The following RBPMS variants were observed in gnomAD, a reference collection of about 807,000 sequenced individuals.
The protein encoded by RBPMS is RNA binding protein, mRNA processing factor.
In RBPMS, 7 loss-of-function variants were observed where a neutral mutation model predicts 26.8. The ratio of observed to expected loss-of-function variants is 0.26; its 90% confidence interval spans 0.15 to 0.49. The LOEUF is 0.49. Ranked by LOEUF, RBPMS falls within the 20% of genes least tolerant of loss-of-function variation. The probability of loss-of-function intolerance (pLI) is 0.98; values close to 1 mark genes in which losing one functional copy is unlikely to be tolerated. For synonymous variants in RBPMS, 96 were observed against 93.3 expected (o/e 1.03, Z -0.17); for missense variants, 186 against 250.0 (o/e 0.74, Z 1.73).
intron 1 of RBPMS, among the ~76,000 whole-genome samples, chr8:30,413,463 A>G (rs1809687304): frequency 6.6e-6 from 1 of 152,074 alleles, no homozygotes; most frequent in Non-Finnish European, 1.5e-5. Flanking sequence ...TAACCCCTAT[A>G]CTTTTCAAAT....
At chr8:30,542,123 T>G (rs192606216) in intron 5 of RBPMS, among the ~76,000 whole-genome samples, 157 of 152,352 alleles carry the variant, frequency 1.0e-3, no homozygotes, top group African/African-American at 3.7e-3. Context: ...CCTTTATCTC[T>G]TTTAGGCTTC....
intron 5 of RBPMS, among the ~76,000 whole-genome samples, chr8:30,511,486 A>AAAT (rs1821657057): frequency 1.3e-4 from 3 of 23,574 alleles, no homozygotes; most frequent in African/African-American, 4.9e-4. Flanking sequence ...AAAAAAAAAA[A>AAAT]ATATATATAT....
intron 4 of RBPMS, among the ~76,000 whole-genome samples, chr8:30,484,716 T>G (rs936450853): frequency 1.3e-5 from 2 of 152,192 alleles, no homozygotes; most frequent in Non-Finnish European, 1.5e-5. Flanking sequence ...TAAGAAAATA[T>G]GCTGAGAAAA....
At chr8:30,424,981 T>C (rs1327117513) in intron 1 of RBPMS, among the ~76,000 whole-genome samples, 1 of 152,170 alleles carries the variant, frequency 6.6e-6, no homozygotes, top group African/African-American at 2.4e-5. Flanking sequence ...AGACAGGGTT[T>C]CACTCTGTCA....
At chr8:30,560,250 G>T (rs1167692752) in intron 7 of RBPMS, among the ~76,000 whole-genome samples, 2 of 152,340 alleles carry the variant, frequency 1.3e-5, no homozygotes, top group South Asian at 4.1e-4. Flanking sequence ...GCTGAGTGTG[G>T]ACTTCATGTT....
Position 30,541,714 on chromosome 8 carries a change from C to T in RBPMS, c.398-2780C>T, listed in dbSNP as rs535471821. Among the ~76,000 whole-genome samples, 11 of 152,284 alleles carry T rather than the reference C, an allele frequency of 7.2e-5. No homozygotes were observed. The South Asian group carries it at 2.3e-3, about 32-fold the overall frequency. Reference sequence around the variant, plus strand: ...TGTCTTCTTTTTTCAGCCTTCCATCCTGTAAAGTTTGAGCAGGATGGGCAG... The same window carrying T: ...TGTCTTCTTTTTTCAGCCTTCCATCTTGTAAAGTTTGAGCAGGATGGGCAG... On this transcript the variant is annotated intron_variant, in intron 5 of 8. Coordinates refer to ENST00000397323, the MANE Select transcript of RBPMS (RefSeq NM_001008710.3).
At chr8:30,385,268 T>A in intron 1 of RBPMS, 110 bp downstream of exon 1, 1 of 690,300 alleles carries the variant, frequency 1.4e-6, no homozygotes, top group Non-Finnish European at 2.1e-6. Context: ...GCATGGCCCG[T>A]GCCCCGGACG....
rs1491402867 is a variant in RBPMS, at chr8:30,395,461, C to CCAA, written c.66+10303_66+10304insCAA. On this transcript the variant is annotated intron_variant, in intron 1 of 8. Transcript: ENST00000397323. ...GCCTGGACAGAGTGAGACTCTGTCT[C>CCAA]AAAAAAAAAAAAAAAAAAAAAAAAA... Among the ~76,000 whole-genome samples the CCAA allele has an allele frequency of 5.7e-4, 25 of 43,800 alleles. 1 individual carries two copies. Among genetic ancestry groups the CCAA allele is most frequent in the African/African-American group, 4.3e-3 (24 of 5,644 alleles). 28.7% of individuals were successfully genotyped at this position (43,800 alleles called of 152,430 possible).
At chr8:30,446,780 GCCA>G (rs1813827173) in intron 1 of RBPMS, among the ~76,000 whole-genome samples, 1 of 148,862 alleles carries the variant, frequency 6.7e-6, no homozygotes, top group South Asian at 2.2e-4. Flanking sequence ...ACAGGCACAT[GCCA>G]CCACACATGG....
chr8:30,471,578 T>A (rs1817113367), intron 1 of RBPMS, among the ~76,000 whole-genome samples: 1 of 152,182 alleles, frequency 6.6e-6, no homozygotes, highest in Admixed American at 6.5e-5. Flanking sequence ...TGGCACAGTG[T>A]CAGAGAGAAA....
At chr8:30,441,140 C>T (rs556704834) in intron 1 of RBPMS, among the ~76,000 whole-genome samples, 9 of 152,130 alleles carry the variant, frequency 5.9e-5, no homozygotes, top group African/African-American at 1.2e-4. Context: ...TGATAGTAGC[C>T]GTAACTGTCC....
chr8:30,430,925 T>C (rs192577664), intron 1 of RBPMS, among the ~76,000 whole-genome samples: 1 of 152,302 alleles, frequency 6.6e-6, no homozygotes, highest in East Asian at 1.9e-4. Context: ...AACAAGGCCT[T>C]CTTATTTGGT....
intron 4 of RBPMS, among the ~76,000 whole-genome samples, chr8:30,482,833 C>T (rs1375756608): frequency 2.0e-5 from 3 of 152,046 alleles, no homozygotes; most frequent in Non-Finnish European, 4.4e-5. Context: ...TTTTGAATTT[C>T]CAAGCTAAAG....
intron 1 of RBPMS, among the ~76,000 whole-genome samples, chr8:30,436,858 T>G (rs962717747): frequency 2.0e-5 from 3 of 152,124 alleles, no homozygotes; most frequent in Non-Finnish European, 4.4e-5. Context: ...AATAAATATT[T>G]CCTGACTGTA....
intron 1 of RBPMS, among the ~76,000 whole-genome samples, chr8:30,434,996 ACATC>A (rs113850134): frequency 0.019 from 2,930 of 150,486 alleles, 50 homozygotes; most frequent in African/African-American, 0.039. Flanking sequence ...TCCAAAGAAG[ACATC>A]CATCCATCCA....
At chr8:30,488,517 C>G (rs1386937667) in intron 4 of RBPMS, among the ~76,000 whole-genome samples, 1 of 152,274 alleles carries the variant, frequency 6.6e-6, no homozygotes, top group East Asian at 1.9e-4. Context: ...TCTGGCTGTT[C>G]ACACCTCTTA....
At chr8:30,570,057 T>C (rs748642480) in intron 8 of RBPMS, among the ~76,000 whole-genome samples, 1 of 152,152 alleles carries the variant, frequency 6.6e-6, no homozygotes, top group Non-Finnish European at 1.5e-5. Context: ...CAGATACAAA[T>C]TGGACAGATT....
chr8:30,519,504 G>A (rs1365868572), intron 5 of RBPMS, among the ~76,000 whole-genome samples: 1 of 104,268 alleles, frequency 9.6e-6, no homozygotes, highest in East Asian at 3.3e-4. Flanking sequence ...TTTTTTTGGA[G>A]ACGGAGTCTC....
chr8:30,566,604 T>C (rs990263615), intron 8 of RBPMS, among the ~76,000 whole-genome samples: 4 of 152,320 alleles, frequency 2.6e-5, no homozygotes, highest in African/African-American at 9.6e-5. Flanking sequence ...ATGTCCTCCT[T>C]AGGTAAGGCT....
Sources: allele counts gnomAD v4.1 joint callset (sites outside exome capture counted in the v4.1 genomes callset), GRCh38; gene constraint gnomAD v4.1.1; transcripts MANE v1.5; gene names NCBI Gene and HGNC (gene_info 2026-07-23, HGNC 2026-07-21).